Variants in ABLIM2 observed in about 807,000 individuals in gnomAD.
ABLIM2 encodes the protein actin binding LIM protein family member 2.
A neutral mutation model predicts 97.7 loss-of-function variants in ABLIM2; 53 were observed. The ratio of observed to expected loss-of-function variants is 0.54; its 90% CI spans 0.44 to 0.68. The LOEUF (loss-of-function observed/expected upper bound fraction) is 0.68, where lower values mean the gene tolerates loss of function less well. Among genes scored for constraint, ABLIM2 ranks in the 30% least tolerant of loss-of-function variants. ABLIM2 has a pLI of 0.00. For missense variants in ABLIM2, 835 were observed against 867.2 expected, an observed-to-expected ratio of 0.96 and a Z score of 0.47; for synonymous variants, 361 against 345.8, an observed-to-expected ratio of 1.04 and a Z score of -0.49.
chr4:7,988,452 C>T (rs1240964824), intron 17 of ABLIM2, among the ~76,000 whole-genome samples: 1 of 152,218 alleles, frequency 6.6e-6, no homozygotes, highest in Non-Finnish European at 1.5e-5. Context: ...TGCCTGAGAT[C>T]ATATGACAAA....
chr4:8,040,535 C>T (rs577623994), intron 9 of ABLIM2, among the ~76,000 whole-genome samples: 2 of 151,746 alleles, frequency 1.3e-5, no homozygotes, highest in Admixed American at 6.6e-5. Flanking sequence ...TGCTTGAACC[C>T]GGGAGGCAGA....
chr4:8,155,834 G>A lies in ABLIM2; in HGVS notation c.10+2846C>T, dbSNP rs1312419327. 6.6e-6 allele frequency among the ~76,000 whole-genome samples: 1 copy of A among 151,936 alleles called. No individual in the cohort carries two copies. The highest frequency in any genetic ancestry group is 1.5e-5 in the Non-Finnish European group (1 of 67,880). ...ACAGACACACACAAAGGGAAGACGG[G>A]GCGAGGACACAGACACACACAAAGG... On this transcript the variant is annotated intron_variant, in intron 1 of 20. Transcript: ENST00000447017. This position sits in a 1 kb window ranked among gnomAD's most constrained non-coding sequence, Gnocchi z 4.2.
Position 7,995,129 on chromosome 4 carries a change from T to C in ABLIM2, c.1619-2202A>G, listed in dbSNP as rs1036758805. On this transcript the variant is annotated intron_variant, in intron 16 of 20. Coordinates refer to ENST00000447017, the MANE Select transcript of ABLIM2 (RefSeq NM_001130083.2). ...TGCAAATCAAAACCACTATGAGATA[T>C]CATCTCACACCAGTTAGAATGGCAA... 7.1e-5 allele frequency among the ~76,000 whole-genome samples: 4 copies of C among 56,376 alleles called. 1 individual carries two copies. The highest frequency in any genetic ancestry group is 7.2e-4 in the East Asian group (2 of 2,790). 37.0% of individuals were successfully genotyped at this position (56,376 alleles called of 152,430 possible).
At chr4:8,154,757 G>A (rs1198298903) in intron 1 of ABLIM2, among the ~76,000 whole-genome samples, 1 of 152,214 alleles carries the variant, frequency 6.6e-6, no homozygotes, top group Non-Finnish European at 1.5e-5. Context: ...CCCAGGGCCT[G>A]GAGCAGCGTG....
chr4:8,155,191 G>A lies in ABLIM2; in HGVS notation c.10+3489C>T, dbSNP rs2152965307. On this transcript the variant is annotated intron_variant, in intron 1 of 20. Coordinates refer to ENST00000447017, the MANE Select transcript of ABLIM2 (RefSeq NM_001130083.2). The surrounding 1 kb of genome is among the most constrained non-coding windows in gnomAD (Gnocchi z 4.2). ...ACGAGTGAGTGAGATGGAACAGATG[G>A]CTCATATTCCATCACTGGCTTCCAC... Among the ~76,000 whole-genome samples, 1 of 152,296 alleles carries A rather than the reference G, an allele frequency of 6.6e-6. No individual in the cohort carries two copies. The highest frequency in any genetic ancestry group is 1.9e-4 in the East Asian group (1 of 5,184).
At chr4:8,070,536 C>T (rs542676950) in intron 6 of ABLIM2, among the ~76,000 whole-genome samples, 55 of 152,234 alleles carry the variant, frequency 3.6e-4, no homozygotes, top group Admixed American at 7.2e-4. Context: ...GAGAGTCATC[C>T]GTGCTTCCTG....
intron 10 of ABLIM2, among the ~76,000 whole-genome samples, chr4:8,035,507 C>T (rs1231675639): frequency 6.6e-6 from 1 of 152,240 alleles, no homozygotes; most frequent in Non-Finnish European, 1.5e-5. Flanking sequence ...GGCCAACAGC[C>T]TGGCAACGCC....
chr4:8,145,998 CAT>C (rs1403479907), intron 1 of ABLIM2, among the ~76,000 whole-genome samples: 3 of 152,322 alleles, frequency 2.0e-5, no homozygotes, highest in Non-Finnish European at 2.9e-5. Context: ...GCAGTGAAAA[CAT>C]AGAACAGCAA....
At position 8,039,894 on chromosome 4, in the gene ABLIM2, T is replaced by C. The variant is rs4616736; in HGVS notation, c.901-3599A>G. Among the ~76,000 whole-genome samples the C allele has an allele frequency of 3.5e-3, 511 of 145,606 alleles. 5 individuals carry two copies. Among genetic ancestry groups the C allele is most frequent in the African/African-American group, 0.011 (426 of 38,952 alleles). ...TTACTGTTTTTTTTTTTTTTTTTTT[T>C]TTAATAAATGCAGATTGCTTTTGGC... is the stretch of plus-strand genomic sequence containing the variant. On this transcript the variant is annotated intron_variant, in intron 9 of 20. Coordinates refer to ENST00000447017, the MANE Select transcript of ABLIM2 (RefSeq NM_001130083.2).
intron 9 of ABLIM2, among the ~76,000 whole-genome samples, chr4:8,039,170 T>G: frequency 6.6e-6 from 1 of 152,154 alleles, no homozygotes; most frequent in East Asian, 1.9e-4. Flanking sequence ...GGCTTGTGAA[T>G]TGAACAAAAG....
Position 8,124,115 on chromosome 4 carries a change from T to C in ABLIM2, c.11-17478A>G, listed in dbSNP as rs1271146664. Among the ~76,000 whole-genome samples, 2 of 152,186 alleles carry C rather than the reference T, an allele frequency of 1.3e-5. No homozygotes were observed. The highest frequency in any genetic ancestry group is 3.8e-4 in the East Asian group (2 of 5,198). ...ACTCTCACACACCTGGGACATATGA[T>C]ATGACATCACAACCTAGAATAATTC... On this transcript the variant is annotated intron_variant, in intron 1 of 20. Transcript: ENST00000447017. The surrounding 1 kb of genome is among the most constrained non-coding windows in gnomAD (Gnocchi z 6.1).
intron 16 of ABLIM2, chr4:8,007,131 G>T: frequency 4.1e-6 from 4 of 985,380 alleles, no homozygotes; most frequent in Non-Finnish European, 4.8e-6. Context: ...TGTTAAGTAG[G>T]ACGGTTTACA....
At chr4:8,040,962 G>T (rs1420157796) in intron 9 of ABLIM2, among the ~76,000 whole-genome samples, 1 of 152,218 alleles carries the variant, frequency 6.6e-6, no homozygotes, top group Non-Finnish European at 1.5e-5. Context: ...CAGGTCCCTG[G>T]GCAGCTCTGA....
chr4:8,077,481 T>C (rs991647847), intron 6 of ABLIM2, 147 bp downstream of exon 6: 2 of 762,788 alleles, frequency 2.6e-6, no homozygotes, highest in Non-Finnish European at 4.2e-6. Flanking sequence ...GATGAGGGTG[T>C]CCATTGGCTG....
chr4:8,096,975 C>G, intron 3 of ABLIM2, 124 bp downstream of exon 3: 1 of 1,235,992 alleles, frequency 8.1e-7, no homozygotes, highest in South Asian at 1.6e-5. Context: ...CCTGGAACAG[C>G]CTCGCTGCAG....
chr4:8,062,944 A>G (rs1804339636), intron 6 of ABLIM2, among the ~76,000 whole-genome samples: 1 of 152,208 alleles, frequency 6.6e-6, no homozygotes, highest in African/African-American at 2.4e-5. Flanking sequence ...TTCCTCTAAC[A>G]GCAGGAGTTC....
chr4:8,126,307 G>A (rs1404938306), intron 1 of ABLIM2, among the ~76,000 whole-genome samples: 1 of 152,112 alleles, frequency 6.6e-6, no homozygotes, highest in African/African-American at 2.4e-5. Flanking sequence ...CACACAGAGT[G>A]GGGAACATTT....
chr4:8,068,138 C>T lies in ABLIM2; in HGVS notation c.676-7084G>A, dbSNP rs1809270685. Among the ~76,000 whole-genome samples, 1 of 152,192 alleles carries T rather than the reference C, an allele frequency of 6.6e-6. No homozygotes were observed. The highest frequency in any genetic ancestry group is 1.5e-5 in the Non-Finnish European group (1 of 68,026). On this transcript the variant is annotated intron_variant, in intron 6 of 20. Transcript: ENST00000447017. This position sits in a 1 kb window ranked among gnomAD's most constrained non-coding sequence, Gnocchi z 4.5. ...CTCCCAATTGCCACCCGAGGAGTGCCTGAAACCTCGGCCGCTGGTTGTTCC... is the reference window on the plus strand; with the variant it reads ...CTCCCAATTGCCACCCGAGGAGTGCTTGAAACCTCGGCCGCTGGTTGTTCC...
intron 12 of ABLIM2, chr4:8,020,872 G>A (rs1773209358): frequency 7.5e-6 from 1 of 132,966 alleles, no homozygotes; most frequent in Non-Finnish European, 1.5e-5. Context: ...TTTTTTTTGG[G>A]ACAGTGTCTC....
Sources: gnomAD v4.1 joint callset for allele counts (sites outside exome capture counted in the v4.1 genomes callset) on GRCh38, gnomAD v4.1.1 for gene constraint, Gnocchi (gnomAD v3.1) non-coding constraint, MANE v1.5 for transcripts, NCBI Gene and HGNC (gene_info 2026-07-23, HGNC 2026-07-21) for gene names.